PLXNB3: variants seen among roughly 807,000 people sequenced by gnomAD.
The protein encoded by PLXNB3 is plexin B3.
In PLXNB3, 80 loss-of-function variants were observed where a neutral mutation model predicts 125.7. That is an observed-to-expected ratio of 0.64 (90% CI 0.53 to 0.77). The LOEUF is 0.77. Ranked by LOEUF, PLXNB3 falls within the 30% of genes least tolerant of loss-of-function variation. The pLI is 0.00. For missense variants in PLXNB3, 1,836 were observed against 1,729.3 expected (o/e 1.06, Z -1.09); for synonymous variants, 954 against 783.3 (o/e 1.22, Z -3.64).
intron 29 of PLXNB3, 80 bp downstream of exon 29, chrX:153,777,060 C>T (rs1603250608): frequency 1.0e-6 from 1 of 974,179 alleles, no homozygotes; most frequent in African/African-American, 1.9e-5. Context: ...TCTGCCTCAA[C>T]TTCATCCCCC....
At chrX:153,768,593 A>T (rs1318989334) in intron 4 of PLXNB3, among the ~76,000 whole-genome samples, 165 bp downstream of exon 4, 1 of 112,670 alleles carries the variant, frequency 8.9e-6, no homozygotes, top group Non-Finnish European at 1.9e-5. Flanking sequence ...CCCGGCCTTC[A>T]CCAGCTGGTG....
intron 1 of PLXNB3, among the ~76,000 whole-genome samples, chrX:153,765,195 G>T (rs1449486083): frequency 1.8e-5 from 2 of 113,121 alleles, no homozygotes; most frequent in East Asian, 5.6e-4. Flanking sequence ...GATCCCGGGG[G>T]TGGCTCCCTG....
chrX:153,778,143 A>G, intron 32 of PLXNB3, 48 bp downstream of exon 32: 1 of 1,207,813 alleles, frequency 8.3e-7, no homozygotes, highest in Non-Finnish European at 1.1e-6. Flanking sequence ...TGAGGAGGAA[A>G]GGCTTATGGG....
chrX:153,765,563 C>G lies in PLXNB3; in HGVS notation c.28C>G (p.Leu10Val), dbSNP rs1432873659. The change falls in exon 2 of 36, where the codon CTG becomes GTG. Residue 10 changes from leucine (L) to valine (V), a missense_variant. By Grantham distance (32) the Leu-to-Val change is conservative. Transcript: ENST00000361971. ...GTGCCACGCCGCCCAGGAGACCCCT[C>G]TGCTGCACCACTTCATGGTAAGTGC... is the stretch of plus-strand genomic sequence containing the variant. The part of the protein sequence containing the change: MCHAAQETP[L>V]LHHFMAPVMA... 3.3e-6 allele frequency: 4 copies of G among 1,195,570 alleles called. No homozygotes were observed. Among genetic ancestry groups the G allele is most frequent in the Middle Eastern group, 2.3e-4 (1 of 4,343 alleles).
At chrX:153,771,256 G>C (rs2091926469) in intron 12 of PLXNB3, 54 bp from the exon 13 acceptor site, 1 of 1,027,424 alleles carries the variant, frequency 9.7e-7, no homozygotes, top group African/African-American at 1.9e-5. Flanking sequence ...GAGGAGACAA[G>C]AGTCAGAGGT....
chrX:153,768,392 A>G lies in PLXNB3; in HGVS notation c.1230A>G (p.Ile410Met). ...VAALQADGHM[I>M]AFLGDTQGQL... ...CTCTCCAGGCAGATGGGCACATGAT[A>G]GCCTTCCTGGGGGACACCCAGGGCC... is the stretch of plus-strand genomic sequence containing the variant. Residue 410 changes from isoleucine to methionine, a missense_variant, in exon 4 of 36, where the codon ATA becomes ATG. Ile to Met is a conservative substitution (Grantham distance 10). Transcript: ENST00000361971. The G allele has an allele frequency of 3.3e-6, 4 of 1,207,435 alleles. No individual in the cohort carries two copies. The highest frequency in any genetic ancestry group is 4.5e-6 in the Non-Finnish European group (4 of 892,690).
intron 28 of PLXNB3, among the ~76,000 whole-genome samples, 186 bp from the exon 29 acceptor site, chrX:153,776,701 T>TGGGGGC (rs1183028155): frequency 5.3e-5 from 1 of 18,967 alleles, no homozygotes; most frequent in Non-Finnish European, 1.1e-4. Flanking sequence ...AGGGCGGGGC[T>TGGGGGC]GGGGCGGGGA....
In PLXNB3 at chrX:153,770,378, G is replaced by A. The variant is rs782456014; in HGVS notation, c.1827G>A (p.Val609=). Residue 609 remains valine, a synonymous_variant, in exon 9 of 36, where the codon GTG becomes GTA. Coordinates refer to ENST00000361971, the MANE Select transcript of PLXNB3 (RefSeq NM_005393.3). ...TVPLALMFED[V]TVAATNFSFY... is the part of the protein sequence containing the mutation. Reference sequence around the variant, plus strand: ...CCCTGGCCCTGATGTTCGAGGACGTGACTGTGGCTGCCACCAACTTCTCCT... The same window carrying A: ...CCCTGGCCCTGATGTTCGAGGACGTAACTGTGGCTGCCACCAACTTCTCCT... The A allele has an allele frequency of 2.1e-5, 26 of 1,209,820 alleles. No individual in the cohort carries two copies. The Admixed American group carries it at 2.4e-4, about 11-fold the overall frequency.
chrX:153,768,957 C>T lies in PLXNB3; in HGVS notation c.1276C>T (p.His426Tyr). 1 of 1,210,708 alleles carries T rather than the reference C, an allele frequency of 8.3e-7. No homozygotes were observed. Among genetic ancestry groups the T allele is most frequent in the East Asian group, 3.0e-5 (1 of 33,830 alleles). ...TTGTCCCCCCACTCAGGTCTTTCTC[C>T]ACGGCTCCCAGGGCCAGGTTTACCA... ...TQGQLYKVFL[H>Y]GSQGQVYHSQ... Residue 426 changes from histidine (H) to tyrosine (Y), a missense_variant, in exon 5 of 36, where the codon CAC becomes TAC. Coordinates refer to ENST00000361971, the MANE Select transcript of PLXNB3 (RefSeq NM_005393.3).
intron 7 of PLXNB3, 57 bp downstream of exon 7, chrX:153,769,996 G>T: frequency 8.4e-7 from 1 of 1,189,756 alleles, no homozygotes; most frequent in Non-Finnish European, 1.1e-6. Context: ...CCTGGAGCAT[G>T]AACCCCGCCT....
Position 153,776,391 on chromosome X carries a change from T to A in PLXNB3, c.4765T>A (p.Ser1589Thr). 8.4e-7 allele frequency: 1 copy of A among 1,194,249 alleles called. No homozygotes were observed. The highest frequency in any genetic ancestry group is 1.1e-6 in the Non-Finnish European group (1 of 887,460). Residue 1589 changes from serine to threonine, a missense_variant, in exon 28 of 36, where the codon TCG (serine) becomes ACG (threonine). Physicochemically the swap from Ser to Thr is moderately conservative, Grantham distance 58. Coordinates refer to ENST00000361971, the MANE Select transcript of PLXNB3 (RefSeq NM_005393.3). ...AGGCCTGGCTGGTCACCTGACCCTA[T>A]CGGACGAAGACTTGACCTCCGTGAC... is the stretch of plus-strand genomic sequence containing the variant. The part of the protein sequence containing the change: ...RSGLAGHLTL[S>T]DEDLTSVTQN...
In PLXNB3 at chrX:153,779,101, A is replaced by C. The variant is rs1603251983; in HGVS notation, c.*62A>C. The C allele has an allele frequency of 1.2e-6, 1 of 842,771 alleles. No individual in the cohort carries two copies. The allele number at this position is 842,771 out of a possible 1,213,427, so 69.5% of individuals were successfully genotyped here. A position where few individuals can be genotyped will look rare whatever the true frequency, so the allele number is the denominator to read the frequency against. On this transcript the variant is annotated 3_prime_UTR_variant, in exon 36 of 36. Transcript: ENST00000361971. ...CACCGCAGCGCCTTATGACCCCGGAACCGAGCCAGCCACTGAGGGGAGCTG... is the reference window on the plus strand; with the variant it reads ...CACCGCAGCGCCTTATGACCCCGGACCCGAGCCAGCCACTGAGGGGAGCTG...
In PLXNB3 at chrX:153,776,342, C is replaced by T. The variant is rs781908763; in HGVS notation, c.4730-14C>T. On this transcript the variant is annotated splice_polypyrimidine_tract_variant and intron_variant, in intron 27 of 35. Coordinates refer to ENST00000361971, the MANE Select transcript of PLXNB3 (RefSeq NM_005393.3). Reference sequence around the variant, plus strand: ...AGCAGGCTGTAGACTATCTGCTTCCCTGACTCCCTCCAGAGTGGCGCTCAG... The same window carrying T: ...AGCAGGCTGTAGACTATCTGCTTCCTTGACTCCCTCCAGAGTGGCGCTCAG... 2 of 1,156,989 alleles carry T rather than the reference C, an allele frequency of 1.7e-6. No homozygotes were observed.
At chrX:153,776,665 AGGGCGAGGATGGGGCG>A (rs1359702097) in intron 28 of PLXNB3, among the ~76,000 whole-genome samples, 1 of 38,360 alleles carries the variant, frequency 2.6e-5, no homozygotes, top group Non-Finnish European at 4.3e-5. Context: ...GAGGCACGGC[AGGGCGAGGATGGGGCG>A]GGGCGAGGCA....
At chrX:153,772,815 T>C (rs2091947354) in intron 16 of PLXNB3, 71 bp from the exon 17 acceptor site, 5 of 1,048,957 alleles carry the variant, frequency 4.8e-6, no homozygotes, top group South Asian at 2.8e-5. Context: ...CGGAGGGCCT[T>C]GGGCATGGCC....
intron 14 of PLXNB3, 70 bp downstream of exon 14, chrX:153,771,725 T>C (rs781792686): frequency 2.7e-6 from 3 of 1,125,250 alleles, no homozygotes; most frequent in East Asian, 6.3e-5. Context: ...CTGTCCTCCG[T>C]GATCAGACCA....
chrX:153,771,785 TTGG>T, intron 14 of PLXNB3, 76 bp from the exon 15 acceptor site: 1 of 1,151,636 alleles, frequency 8.7e-7, no homozygotes, highest in South Asian at 1.9e-5. Flanking sequence ...GCTGGGCTGG[TTGG>T]CTGGCCGGGC....
chrX:153,776,431 A>G lies in PLXNB3; in HGVS notation c.4805A>G (p.Lys1602Arg). 5 of 1,167,484 alleles carry G rather than the reference A, an allele frequency of 4.3e-6. No individual in the cohort carries two copies. The highest frequency in any genetic ancestry group is 5.8e-6 in the Non-Finnish European group (5 of 867,703). Residue 1602 changes from lysine (K) to arginine (R), a missense_variant, in exon 28 of 36, where the codon AAG becomes AGG. Transcript: ENST00000361971. ...ACCTCCGTGACCCAAAACCACTGGA[A>G]GAGACTCAACACCTTGCAACACTAC... Reference protein sequence around the residue: ...DLTSVTQNHWKRLNTLQHYKV... With the variant: ...DLTSVTQNHWRRLNTLQHYKV...
Position 153,767,713 on chromosome X carries a change from C to T in PLXNB3, c.886C>T (p.Pro296Ser). 8.5e-7 allele frequency: 1 copy of T among 1,179,938 alleles called. No homozygotes were observed. The highest frequency in any genetic ancestry group is 1.1e-6 in the Non-Finnish European group (1 of 879,482). ...CCTCATCCAGGCCGCCTTCCTTGCC[C>T]CGGGCACCTTGCTAGGGGTGTTTGC... ...QGLIQAAFLA[P>S]GTLLGVFAAG... The change falls in exon 3 of 36, where the codon CCG (proline) becomes TCG (serine). Residue 296 changes from proline (P) to serine (S), a missense_variant. Pro to Ser is a moderately conservative substitution (Grantham distance 74). Transcript: ENST00000361971.
Sources: gnomAD v4.1 joint callset for allele counts (sites outside exome capture counted in the v4.1 genomes callset) on GRCh38, gnomAD v4.1.1 for gene constraint, MANE v1.5 for transcripts, NCBI Gene and HGNC (gene_info 2026-07-23, HGNC 2026-07-21) for gene names.